The following DMD variants were observed in gnomAD, a reference collection of about 807,000 sequenced individuals.
DMD encodes dystrophin, also known as mutant dystrophin.
Under a neutral mutation model 330.1 loss-of-function variants are expected in DMD, and 63 were observed. That is an observed-to-expected ratio of 0.19 (90% CI 0.16 to 0.24). DMD has a LOEUF of 0.24. DMD is among the 10% of genes least tolerant of loss of function. The pLI is 1.00. For missense variants in DMD, 3,344 were observed against 2,684.1 expected (o/e 1.25, Z -5.43); for synonymous variants, 1,223 against 959.8 (o/e 1.27, Z -5.07).
At chrX:31,658,174 T>C in intron 53 of DMD, 30 bp from the exon 54 acceptor site, 1 of 1,202,712 alleles carries the variant, frequency 8.3e-7, no homozygotes, top group Non-Finnish European at 1.1e-6. Context: ...AGAGAATGAA[T>C]GTCAGTTTTT....
chrX:32,229,157 T>C (rs765110858), intron 43 of DMD, among the ~76,000 whole-genome samples: 62 of 111,270 alleles, frequency 5.6e-4, no homozygotes, highest in African/African-American at 2.0e-3. Flanking sequence ...GAAAAAATCC[T>C]ACTTCTCCTA....
intron 13 of DMD, among the ~76,000 whole-genome samples, chrX:32,587,142 G>C (rs1480355276): frequency 9.0e-6 from 1 of 111,400 alleles, no homozygotes; most frequent in Non-Finnish European, 1.9e-5. Flanking sequence ...AAAAATTTCA[G>C]TTACCTAACT....
intron 44 of DMD, chrX:32,205,962 G>A (rs111566311): frequency 0.049 from 19,834 of 407,968 alleles, 592 homozygotes; most frequent in Admixed American, 0.13. Context: ...ACTAAAGGCC[G>A]ACAAAGATGA....
rs369017141 is a variant in DMD at position 32,518,040 on chromosome X, C to A, written c.2260G>T (p.Gly754Cys). 31 of 1,208,698 alleles carry A rather than the reference C, an allele frequency of 2.6e-5. No homozygotes were observed. The African/African-American group carries it at 4.6e-4, about 18-fold the overall frequency. The change falls in exon 18 of 79, where the codon GGC (glycine) becomes TGC (cysteine). Residue 754 changes from glycine to cysteine, a missense_variant. Coordinates refer to ENST00000357033, the MANE Select transcript of DMD (RefSeq NM_004006.3). The stretch of plus-strand genomic sequence containing the variant: ...TTTTCTTTTAAGTCTGAGAAGTTGC[C>A]TTCCTTCCGAAAGATTGCAAATTCA... ...SPEFAIFRKE[G>C]NFSDLKEKVN...
chrX:31,244,080 A>C (rs745706579), intron 63 of DMD, among the ~76,000 whole-genome samples: 1 of 112,321 alleles, frequency 8.9e-6, no homozygotes, highest in Non-Finnish European at 1.9e-5. Context: ...ACCTGGAGAG[A>C]TAAGTTAAAG....
intron 44 of DMD, among the ~76,000 whole-genome samples, chrX:31,972,233 A>G (rs141928581): frequency 0.011 from 1,238 of 111,670 alleles, 22 homozygotes; most frequent in African/African-American, 0.038. Context: ...GCTGTTCCTA[A>G]ATTATAGAAA....
intron 62 of DMD, among the ~76,000 whole-genome samples, chrX:31,277,291 C>T (rs2147852145): frequency 9.0e-6 from 1 of 111,255 alleles, no homozygotes; most frequent in Non-Finnish European, 1.9e-5. Context: ...TTCCTCCTAA[C>T]CGAAGTTTCA....
At chrX:32,591,328 A>C (rs1256713188) in intron 13 of DMD, among the ~76,000 whole-genome samples, 1 of 112,085 alleles carries the variant, frequency 8.9e-6, no homozygotes, top group Non-Finnish European at 1.9e-5. Context: ...TTTAACTTGT[A>C]CAGAATAACA....
At chrX:32,470,558 C>T (rs1411905411) in intron 22 of DMD, among the ~76,000 whole-genome samples, 1 of 110,879 alleles carries the variant, frequency 9.0e-6, no homozygotes, top group African/African-American at 3.3e-5. Context: ...CATCTAACTG[C>T]CTTTTCTTGT....
chrX:32,757,007 A>G (rs2071585669), intron 7 of DMD, among the ~76,000 whole-genome samples: 1 of 111,527 alleles, frequency 9.0e-6, no homozygotes, highest in Admixed American at 9.6e-5. Context: ...CCTACAATTC[A>G]GGGTTTAACT....
chrX:31,241,516 C>T (rs1207047563), intron 63 of DMD, among the ~76,000 whole-genome samples: 1 of 111,792 alleles, frequency 8.9e-6, no homozygotes, highest in Non-Finnish European at 1.9e-5. Context: ...CATATCTATT[C>T]CCTGTTGCTC....
In DMD at chrX:33,010,002, G is replaced by A. The variant is rs865872434; in HGVS notation, c.93+10137C>T. Among the ~76,000 whole-genome samples the A allele has an allele frequency of 3.7e-4, 23 of 62,547 alleles. 1 individual carries two copies. Among genetic ancestry groups the A allele is most frequent in the African/African-American group, 2.1e-3 (20 of 9,386 alleles). The allele number at this position is 62,547 out of a possible 115,157, so 54.3% of individuals were successfully genotyped here. On this transcript the variant is annotated intron_variant, in intron 2 of 78. Coordinates refer to ENST00000357033, the MANE Select transcript of DMD (RefSeq NM_004006.3). Reference sequence around the variant, plus strand: ...TACACATGTGTGTATATACACGTATGTATGTGTATATACACATATGTGTGT... The same window carrying A: ...TACACATGTGTGTATATACACGTATATATGTGTATATACACATATGTGTGT...
intron 41 of DMD, among the ~76,000 whole-genome samples, chrX:32,332,537 G>A (rs2097686093): frequency 9.1e-6 from 1 of 109,536 alleles, no homozygotes; most frequent in Non-Finnish European, 1.9e-5. Context: ...TGGAGAAACG[G>A]GGGAGGATTA....
intron 45 of DMD, among the ~76,000 whole-genome samples, chrX:31,967,073 T>C (rs2095357306): frequency 9.1e-6 from 1 of 110,280 alleles, no homozygotes. Context: ...TTTATACCTG[T>C]TCATAGTATA....
chrX:32,000,535 T>C (rs867768747), intron 44 of DMD, among the ~76,000 whole-genome samples: 6 of 111,828 alleles, frequency 5.4e-5, no homozygotes, highest in Admixed American at 9.5e-5. Flanking sequence ...AATGAGCCAA[T>C]GTGTGTTCCC....
At chrX:31,788,487 T>C (rs1248853119) in intron 50 of DMD, among the ~76,000 whole-genome samples, 1 of 111,814 alleles carries the variant, frequency 8.9e-6, no homozygotes, top group Non-Finnish European at 1.9e-5. Flanking sequence ...TTTTGTGGCC[T>C]AACATATGAT....
At position 32,926,744 on chromosome X, in the gene DMD, T is replaced by C. The variant is rs1377473940; in HGVS notation, c.94-76924A>G. 4.1e-3 allele frequency among the ~76,000 whole-genome samples: 375 copies of C among 90,671 alleles called. 4 individuals carry two copies. The highest frequency in any genetic ancestry group is 8.9e-3 in the Admixed American group (70 of 7,825). 78.7% of individuals were successfully genotyped at this position (90,671 alleles called of 115,157 possible). On this transcript the variant is annotated intron_variant, in intron 2 of 78. Transcript: ENST00000357033. ...TCCTGCCTGGGAGACGGAGCAAGAC[T>C]CCATCTCCAAAAAAAAAAAAAAAAA...
chrX:31,832,262 A>T (rs1035184770), intron 49 of DMD, among the ~76,000 whole-genome samples: 1 of 112,389 alleles, frequency 8.9e-6, no homozygotes, highest in African/African-American at 3.2e-5. Flanking sequence ...TACCGTGGAT[A>T]AATCTTGAGA....
At chrX:32,558,922 T>G (rs904264041) in intron 16 of DMD, among the ~76,000 whole-genome samples, 4 of 104,717 alleles carry the variant, frequency 3.8e-5, no homozygotes, top group Non-Finnish European at 7.8e-5. Context: ...TTATTTGAGA[T>G]GTAACTTCAA....
Sources: allele counts gnomAD v4.1 joint callset (sites outside exome capture counted in the v4.1 genomes callset), GRCh38; gene constraint gnomAD v4.1.1; transcripts MANE v1.5; gene names NCBI Gene and HGNC (gene_info 2026-07-23, HGNC 2026-07-21).